Variants in EP300 observed in about 807,000 individuals in gnomAD.
EP300 encodes histone acetyltransferase p300.
A neutral mutation model predicts 264.0 loss-of-function variants in EP300; 31 were observed. The ratio of observed to expected loss-of-function variants is 0.12; its 90% confidence interval spans 0.09 to 0.16. EP300 has a LOEUF of 0.16. Ranked by LOEUF, EP300 falls within the 10% of genes least tolerant of loss-of-function variation. The pLI is 1.00. For synonymous variants in EP300, 1,340 were observed against 1,045.4 expected (o/e 1.28, Z -5.44); for missense variants, 2,766 against 3,052.9 (o/e 0.91, Z 2.21).
At chr22:41,155,180 C>T in intron 17 of EP300, 67 bp downstream of exon 17, 6 of 1,190,470 alleles carry the variant, frequency 5.0e-6, no homozygotes, top group Non-Finnish European at 6.3e-6. Context: ...AGAGATAATT[C>T]ACATTCCAAA....
intron 19 of EP300, 54 bp downstream of exon 19, chr22:41,158,554 G>A (rs1003542523): frequency 1.1e-5 from 15 of 1,413,006 alleles, no homozygotes; most frequent in Admixed American, 1.7e-5. Context: ...TCCAGGGAGT[G>A]CATGCGGATG....
At chr22:41,109,160 T>C (rs1305576572) in intron 1 of EP300, among the ~76,000 whole-genome samples, 1 of 148,462 alleles carries the variant, frequency 6.7e-6, no homozygotes, top group African/African-American at 2.5e-5. Context: ...TGGCAGCTAC[T>C]AAGGAGGATT....
At chr22:41,105,501 C>T (rs1214813908) in intron 1 of EP300, among the ~76,000 whole-genome samples, 2 of 151,684 alleles carry the variant, frequency 1.3e-5, no homozygotes, top group East Asian at 2.0e-4. Context: ...CGGGTTCAAG[C>T]GATTCTCCTG....
chr22:41,153,724 A>G (rs1360945600), intron 16 of EP300, among the ~76,000 whole-genome samples: 1 of 152,220 alleles, frequency 6.6e-6, no homozygotes, highest in Non-Finnish European at 1.5e-5. Flanking sequence ...ACTGCACTCC[A>G]GCCTGAGTGA....
intron 1 of EP300, among the ~76,000 whole-genome samples, chr22:41,094,981 A>G (rs772610904): frequency 1.3e-5 from 2 of 152,074 alleles, no homozygotes; most frequent in Non-Finnish European, 2.9e-5. Flanking sequence ...GTGGGCTTTT[A>G]TAGTTTAAAA....
At chr22:41,164,909 A>T (rs928091176) in intron 22 of EP300, among the ~76,000 whole-genome samples, 1 of 152,270 alleles carries the variant, frequency 6.6e-6, no homozygotes, top group East Asian at 1.9e-4. Context: ...AATCCCAGCC[A>T]TGTTCCAAAG....
At chr22:41,138,250 G>A (rs373848382) in intron 8 of EP300, among the ~76,000 whole-genome samples, 8 of 151,972 alleles carry the variant, frequency 5.3e-5, no homozygotes, top group East Asian at 1.9e-4. Flanking sequence ...TGCAGACTTC[G>A]CCTCCCAGGT....
chr22:41,164,009 GT>G (rs2059121928), intron 21 of EP300, 43 bp from the exon 22 acceptor site: 5 of 1,574,270 alleles, frequency 3.2e-6, no homozygotes, highest in Non-Finnish European at 4.4e-6. Flanking sequence ...TTTTCATTTG[GT>G]TAAGGTTTGG....
At position 41,164,153 on chromosome 22, in the gene EP300, T is replaced by G. The variant is rs753640157; in HGVS notation, c.3806+23T>G. On this transcript the variant is annotated intron_variant, in intron 22 of 30. Transcript: ENST00000263253. ...TGGGTAAGTCTTAACGTTGTTACTTTCTCTGGAATTTTTCTTTATCGTGAA... is the reference window on the plus strand; with the variant it reads ...TGGGTAAGTCTTAACGTTGTTACTTGCTCTGGAATTTTTCTTTATCGTGAA... 6.8e-6 allele frequency: 11 copies of G among 1,609,256 alleles called. No homozygotes were observed. In the South Asian group the frequency reaches 1.2e-4, roughly 18 times the overall value.
Position 41,178,709 on chromosome 22 carries a change from C to G in EP300, c.6998C>G (p.Pro2333Arg), listed in dbSNP as rs750944383. The G allele has an allele frequency of 1.2e-6, 2 of 1,614,196 alleles. No individual in the cohort carries two copies. Among genetic ancestry groups the G allele is most frequent in the Admixed American group, 1.7e-5 (1 of 60,014 alleles). The change falls in exon 31 of 31, where the codon CCT becomes CGT. Residue 2333 changes from proline to arginine, a missense_variant. Physicochemically the swap from Pro to Arg is moderately radical, Grantham distance 103. Transcript: ENST00000263253. Reference protein sequence around the residue: ...PHSSPSPRMQPQPSPHHVSPQ... With the variant: ...PHSSPSPRMQRQPSPHHVSPQ... ...TCCAGTCCTTCCCCAAGGATGCAGC[C>G]TCAGCCTTCTCCACACCACGTTTCC...
intron 27 of EP300, among the ~76,000 whole-genome samples, chr22:41,171,352 T>A (rs1161320430): frequency 2.0e-5 from 3 of 152,088 alleles, no homozygotes; most frequent in Non-Finnish European, 4.4e-5. Context: ...GGTGTTTTGT[T>A]TTCAGAAAGG....
At chr22:41,149,008 T>A in intron 12 of EP300, 30 bp from the exon 13 acceptor site, 1 of 1,613,214 alleles carries the variant, frequency 6.2e-7, no homozygotes, top group Middle Eastern at 1.7e-4. Flanking sequence ...ATGAAGCAGT[T>A]TGGTGATTTG....
Position 41,150,154 on chromosome 22 carries a change from C to G in EP300, c.2773C>G (p.Pro925Ala). The change falls in exon 14 of 31, where the codon CCT (proline) becomes GCT (alanine). Residue 925 changes from proline to alanine, a missense_variant. Pro to Ala is a conservative substitution (Grantham distance 27). Transcript: ENST00000263253. Reference sequence around the variant, plus strand: ...ACAGCAGAGCACAGCAGCGTCTGTTCCTACCCCAACAGCACCGCTGCTTCC... The same window carrying G: ...ACAGCAGAGCACAGCAGCGTCTGTTGCTACCCCAACAGCACCGCTGCTTCC... ...RSQQSTAASV[P>A]TPTAPLLPPQ... The G allele has an allele frequency of 1.9e-6, 3 of 1,611,750 alleles. No homozygotes were observed. The highest frequency in any genetic ancestry group is 2.5e-6 in the Non-Finnish European group (3 of 1,179,828).
intron 6 of EP300, among the ~76,000 whole-genome samples, chr22:41,132,921 T>A (rs1200627055): frequency 6.6e-6 from 1 of 152,208 alleles, no homozygotes; most frequent in Non-Finnish European, 1.5e-5. Context: ...TATGTATGTT[T>A]CTCTAATTGC....
At chr22:41,171,097 G>A (rs1011066782) in intron 27 of EP300, among the ~76,000 whole-genome samples, 7 of 151,488 alleles carry the variant, frequency 4.6e-5, no homozygotes, top group Admixed American at 3.9e-4. Context: ...TTTGAAGAGC[G>A]GTAGATCAAG....
rs530109334 is a variant in EP300 at position 41,124,685 on chromosome 22, A to C, written c.730-1179A>C. Among the ~76,000 whole-genome samples the C allele has an allele frequency of 1.3e-3, 205 of 152,296 alleles. 3 individuals are homozygous for C. In the South Asian group the frequency reaches 0.042, roughly 31 times the overall value. On this transcript the variant is annotated intron_variant, in intron 2 of 30. Transcript: ENST00000263253. Reference sequence around the variant, plus strand: ...GAAGAAAACATTCAAATGCTTGAACATGACAAAGGGGTTAGATGGCTTATT... The same window carrying C: ...GAAGAAAACATTCAAATGCTTGAACCTGACAAAGGGGTTAGATGGCTTATT...
At chr22:41,156,313 A>G (rs1364995574) in intron 17 of EP300, among the ~76,000 whole-genome samples, 2 of 152,010 alleles carry the variant, frequency 1.3e-5, no homozygotes, top group Non-Finnish European at 2.9e-5. Context: ...GCACCCGGCC[A>G]CTTTCGTTGT....
chr22:41,101,616 T>C (rs2058732260), intron 1 of EP300, among the ~76,000 whole-genome samples: 1 of 152,062 alleles, frequency 6.6e-6, no homozygotes, highest in Admixed American at 6.6e-5. Flanking sequence ...TTTCACCATG[T>C]TAGGCAGGAT....
chr22:41,141,945 A>G (rs1173351610), intron 10 of EP300, among the ~76,000 whole-genome samples: 1 of 152,168 alleles, frequency 6.6e-6, no homozygotes, highest in African/African-American at 2.4e-5. Context: ...CCAAAGTACT[A>G]GGATTACAGG....
Sources: allele counts gnomAD v4.1 joint callset (sites outside exome capture counted in the v4.1 genomes callset), GRCh38; gene constraint gnomAD v4.1.1; transcripts MANE v1.5; gene names NCBI Gene and HGNC (gene_info 2026-07-23, HGNC 2026-07-21).